The following CIT variants were observed in gnomAD, a reference collection of about 807,000 sequenced individuals.
CIT encodes citron rho-interacting serine/threonine kinase, also known as citron Rho-interacting kinase.
Under a neutral mutation model 272.7 loss-of-function variants are expected in CIT, and 79 were observed. The observed-to-expected ratio is 0.29, with a 90% confidence interval of 0.24 to 0.35. CIT has a LOEUF of 0.35. Among genes scored for constraint, CIT ranks in the 10% least tolerant of loss-of-function variants. CIT has a pLI of 1.00. For synonymous variants in CIT, 948 were observed against 995.6 expected (o/e 0.95, Z 0.90); for missense variants, 1,909 against 2,618.3 (o/e 0.73, Z 5.91).
intron 2 of CIT, among the ~76,000 whole-genome samples, chr12:119,874,433 G>A (rs549165666): frequency 5.8e-4 from 88 of 152,116 alleles, no homozygotes; most frequent in Non-Finnish European, 1.1e-3. Flanking sequence ...CTAGTGCTGG[G>A]ACTGGGATTC....
chr12:119,819,661 T>A (rs1967516002), intron 9 of CIT, among the ~76,000 whole-genome samples: 1 of 152,206 alleles, frequency 6.6e-6, no homozygotes, highest in South Asian at 2.1e-4. Context: ...GCAGAAATAT[T>A]CGACAGCCTG....
At chr12:119,717,409 CTTTTCTTTTCT>C (rs1209495699) in intron 32 of CIT, among the ~76,000 whole-genome samples, 2 of 122,552 alleles carry the variant, frequency 1.6e-5, no homozygotes, top group South Asian at 2.7e-4. Flanking sequence ...ATTCTTTTTT[CTTTTCTTTTCT>C]TTTTTTTTTT....
At position 119,803,407 on chromosome 12, in the gene CIT, A is replaced by G. The variant is rs994336778; in HGVS notation, c.1112-18T>C. 6.6e-7 allele frequency: 1 copy of G among 1,524,626 alleles called. No homozygotes were observed. Among genetic ancestry groups the G allele is most frequent in the Non-Finnish European group, 8.8e-7 (1 of 1,137,696 alleles). The allele number at this position is 1,524,626 out of a possible 1,614,324, so 94.4% of individuals were successfully genotyped here. A position where few individuals can be genotyped will look rare whatever the true frequency, so the allele number is the denominator to read the frequency against. On this transcript the variant is annotated intron_variant, in intron 9 of 47. Coordinates refer to ENST00000392521, the MANE Select transcript of CIT (RefSeq NM_001206999.2). ...GGGAGGAGCTGGTTAAAGAAAAACA[A>G]GAAAGGAGGCGGGGAGGAAAAAAAA... is the stretch of plus-strand genomic sequence containing the variant.
chr12:119,702,089 G>C, intron 41 of CIT, 131 bp from the exon 42 acceptor site: 1 of 661,956 alleles, frequency 1.5e-6, no homozygotes, highest in African/African-American at 1.8e-5. Context: ...TGTTCACGTT[G>C]TCATAGAGAG....
At chr12:119,786,712 C>T (rs1964823383) in intron 10 of CIT, among the ~76,000 whole-genome samples, 1 of 152,156 alleles carries the variant, frequency 6.6e-6, no homozygotes, top group African/African-American at 2.4e-5. Flanking sequence ...CACCTCTCTC[C>T]CCGCAGCTCC....
At chr12:119,857,827 C>T (rs1308464548) in intron 3 of CIT, 129 bp from the exon 4 acceptor site, 4 of 809,550 alleles carry the variant, frequency 4.9e-6, no homozygotes, top group Non-Finnish European at 7.7e-6. Context: ...TTCACTTTCT[C>T]ATCCATCATG....
chr12:119,802,173 G>T (rs528889190), intron 10 of CIT, among the ~76,000 whole-genome samples: 2 of 152,244 alleles, frequency 1.3e-5, no homozygotes, highest in Non-Finnish European at 2.9e-5. Context: ...CTCCTAAGTG[G>T]GCAGCAACTA....
At chr12:119,800,874 T>G (rs1219891682) in intron 10 of CIT, among the ~76,000 whole-genome samples, 1 of 152,226 alleles carries the variant, frequency 6.6e-6, no homozygotes. Flanking sequence ...CAATCTGATA[T>G]GTCCAGGGTC....
Position 119,822,955 on chromosome 12 carries a change from C to G in CIT, c.976G>C (p.Asp326His), listed in dbSNP as rs754478352. Residue 326 changes from aspartate (D) to histidine (H), a missense_variant, in exon 9 of 48, where the codon GAT becomes CAT. Physicochemically the swap from Asp to His is moderately conservative, Grantham distance 81. This residue lies in a region of CIT where 529 missense variants were observed against 549.6 expected (regional missense o/e 0.96). Coordinates refer to ENST00000392521, the MANE Select transcript of CIT (RefSeq NM_001206999.2). ...MNFQRFLKFP[D>H]DPKVSSDFLD... The stretch of plus-strand genomic sequence containing the variant: ...AAGTCACTGCTCACTTTGGGGTCAT[C>G]TGGAAATTTCAAAAACCGCTGTTCC... 1.9e-5 allele frequency: 31 copies of G among 1,606,532 alleles called. No individual in the cohort carries two copies. The highest frequency in any genetic ancestry group is 1.7e-4 in the Admixed American group (10 of 57,890).
intron 9 of CIT, among the ~76,000 whole-genome samples, chr12:119,812,190 C>T (rs942729979): frequency 8.6e-5 from 13 of 152,026 alleles, no homozygotes; most frequent in South Asian, 2.1e-4. Flanking sequence ...TCAAGTGATC[C>T]GTCCGCCTTG....
At chr12:119,779,314 T>C (rs1964076201) in intron 13 of CIT, among the ~76,000 whole-genome samples, 2 of 152,162 alleles carry the variant, frequency 1.3e-5, no homozygotes, top group Admixed American at 1.3e-4. Context: ...AGCAGAGCCA[T>C]ATTATGGCTT....
At chr12:119,762,916 T>C (rs1268323581) in intron 19 of CIT, among the ~76,000 whole-genome samples, 1 of 152,146 alleles carries the variant, frequency 6.6e-6, no homozygotes, top group Non-Finnish European at 1.5e-5. Flanking sequence ...CATGGTGTTG[T>C]ACACCTGTAA....
intron 23 of CIT, chr12:119,742,991 TCTA>T (rs1219661817): frequency 6.6e-6 from 1 of 152,270 alleles, no homozygotes; most frequent in East Asian, 1.9e-4. Context: ...TTCAGAAAAC[TCTA>T]CATCGGCCTT....
In CIT at chr12:119,736,813, C is replaced by T. The variant is rs147544325; in HGVS notation, c.2959-1456G>A. 3.1e-3 allele frequency among the ~76,000 whole-genome samples: 465 copies of T among 152,280 alleles called. 1 individual carries two copies. Among genetic ancestry groups the T allele is most frequent in the Middle Eastern group, 0.01 (3 of 294 alleles). Reference sequence around the variant, plus strand: ...TAGTTCAACTGGTCTCCTTCCTGTACGTAGTAAACCCATTCCTTAAGATGT... The same window carrying T: ...TAGTTCAACTGGTCTCCTTCCTGTATGTAGTAAACCCATTCCTTAAGATGT... On this transcript the variant is annotated intron_variant, in intron 24 of 47. Transcript: ENST00000392521.
intron 44 of CIT, 75 bp from the exon 45 acceptor site, chr12:119,698,129 T>C (rs1001425081): frequency 8.4e-6 from 11 of 1,308,952 alleles, no homozygotes; most frequent in Middle Eastern, 1.8e-4. Context: ...CTGACTGCAA[T>C]GCATTCTTTG....
Position 119,843,538 on chromosome 12 carries a change from G to A in CIT, c.516+6636C>T, listed in dbSNP as rs576960709. ...TTAAAATGTATCTTCAGGGCCAGGC[G>A]TGGTGGTTCACGCCTGTAATTCCAG... On this transcript the variant is annotated intron_variant, in intron 5 of 47. Transcript: ENST00000392521. Among the ~76,000 whole-genome samples the A allele has an allele frequency of 5.9e-5, 9 of 152,228 alleles. No homozygotes were observed. The South Asian group carries it at 1.2e-3, about 21-fold the overall frequency.
At chr12:119,779,400 G>A (rs1284330731) in intron 13 of CIT, among the ~76,000 whole-genome samples, 1 of 152,076 alleles carries the variant, frequency 6.6e-6, no homozygotes, top group Non-Finnish European at 1.5e-5. Context: ...TTACAGTTGT[G>A]CTCCTATAAA....
At chr12:119,842,900 A>G (rs2138192450) in intron 5 of CIT, among the ~76,000 whole-genome samples, 1 of 152,332 alleles carries the variant, frequency 6.6e-6, no homozygotes, top group East Asian at 1.9e-4. Flanking sequence ...TCCAATAAAT[A>G]TTGCTTAAGC....
chr12:119,708,131 G>A, intron 40 of CIT, 48 bp downstream of exon 40: 1 of 1,458,640 alleles, frequency 6.9e-7, no homozygotes, highest in Non-Finnish European at 9.1e-7. Context: ...GAGAGGTAGT[G>A]TCAATTTCCA....
Sources: allele counts gnomAD v4.1 joint callset (sites outside exome capture counted in the v4.1 genomes callset), GRCh38; gene constraint gnomAD v4.1.1; regional missense constraint gnomAD v4.1.1; transcripts MANE v1.5; gene names NCBI Gene and HGNC (gene_info 2026-07-23, HGNC 2026-07-21).